GARS1: variants seen among roughly 807,000 people sequenced by gnomAD.
GARS1 encodes the protein glycine--tRNA ligase.
Under a neutral mutation model 86.4 loss-of-function variants are expected in GARS1, and 46 were observed. The observed-to-expected ratio is 0.53, with a 90% confidence interval of 0.42 to 0.68. The LOEUF is 0.68. Ranked by LOEUF, GARS1 falls within the 30% of genes least tolerant of loss-of-function variation. GARS1 has a pLI of 0.00. For missense variants in GARS1, 797 were observed against 915.6 expected (o/e 0.87, Z 1.67); for synonymous variants, 342 against 329.8 (o/e 1.04, Z -0.40).
chr7:30,604,791 T>C (rs1454013194), intron 6 of GARS1, among the ~76,000 whole-genome samples: 3 of 152,230 alleles, frequency 2.0e-5, no homozygotes, highest in Admixed American at 2.0e-4. Flanking sequence ...GCATGCCCTT[T>C]ATTAGAAAAA....
At chr7:30,615,098 T>C (rs1282212388) in intron 8 of GARS1, among the ~76,000 whole-genome samples, 1 of 152,176 alleles carries the variant, frequency 6.6e-6, no homozygotes, top group African/African-American at 2.4e-5. Context: ...GAAATCTCTT[T>C]GGGAAACCAT....
At chr7:30,631,252 G>T in intron 14 of GARS1, 196 bp from the exon 15 acceptor site, 1 of 483,670 alleles carries the variant, frequency 2.1e-6, no homozygotes. Context: ...TAAATTCGGA[G>T]CTGAAACCAG....
At chr7:30,609,538 C>T (rs776576771) in intron 6 of GARS1, 47 bp from the exon 7 acceptor site, 1 of 1,509,720 alleles carries the variant, frequency 6.6e-7, no homozygotes, top group African/African-American at 1.4e-5. Context: ...ATATCTTATG[C>T]CTTGTTTTCT....
chr7:30,598,997 T>G (rs906693407), intron 2 of GARS1, 100 bp downstream of exon 2: 1 of 905,606 alleles, frequency 1.1e-6, no homozygotes, highest in Non-Finnish European at 1.8e-6. Context: ...TCTGAACAAG[T>G]ATCATTTGGT....
intron 14 of GARS1, among the ~76,000 whole-genome samples, chr7:30,630,031 G>T (rs1386473364): frequency 1.3e-5 from 2 of 152,202 alleles, no homozygotes; most frequent in Admixed American, 1.3e-4. Flanking sequence ...TGAATTGCAT[G>T]AATTCCCATC....
rs778383373 is a variant in GARS1, at chr7:30,594,914, G to T, written c.-8G>T. On this transcript the variant is annotated 5_prime_UTR_variant, in exon 1 of 17. Coordinates refer to ENST00000389266, the MANE Select transcript of GARS1 (RefSeq NM_002047.4). ...CACCCTCTCTGGACAGCCCAGGGCC[G>T]CAGGCTCATGCCCTCTCCGCGTCCA... The T allele has an allele frequency of 6.4e-7, 1 of 1,564,728 alleles. No homozygotes were observed. The highest frequency in any genetic ancestry group is 2.3e-5 in the East Asian group (1 of 43,096).
At chr7:30,625,982 CACTTGTGGAGTTTTATAAA>C (rs1464176464) in intron 12 of GARS1, among the ~76,000 whole-genome samples, 1 of 152,176 alleles carries the variant, frequency 6.6e-6, no homozygotes, top group Non-Finnish European at 1.5e-5. Flanking sequence ...GTCATTAAGT[CACTTGTGGAGTTTTATAAA>C]ACTAGTCAAA....
intron 14 of GARS1, among the ~76,000 whole-genome samples, chr7:30,630,660 C>T (rs1205856334): frequency 6.6e-6 from 1 of 151,912 alleles, no homozygotes; most frequent in Non-Finnish European, 1.5e-5. Context: ...ACAGGTGCGC[C>T]TCACAATGCC....
At chr7:30,594,804 G>A, upstream of GARS1, 1 of 859,016 alleles carries the variant, frequency 1.2e-6, no homozygotes, top group Non-Finnish European at 1.8e-6. Flanking sequence ...ACGCGGTGGT[G>A]AATGTGCGGC....
intron 11 of GARS1, among the ~76,000 whole-genome samples, chr7:30,621,897 T>A (rs1783015860): frequency 6.6e-6 from 1 of 152,206 alleles, no homozygotes; most frequent in Non-Finnish European, 1.5e-5. Flanking sequence ...AAATAATAAT[T>A]TAGCTCACTT....
In GARS1 at chr7:30,617,262, A is replaced by T; in HGVS notation, c.1343A>T (p.Glu448Val). 6.2e-7 allele frequency: 1 copy of T among 1,614,006 alleles called. No individual in the cohort carries two copies. The highest frequency in any genetic ancestry group is 8.5e-7 in the Non-Finnish European group (1 of 1,179,874). Residue 448 changes from glutamate to valine, a missense_variant, in exon 10 of 17, where the codon GAA becomes GTA. Around this residue, in one of 2 missense-constraint regions of GARS1, gnomAD observed 598 missense variants for 738.7 expected, o/e 0.81. Coordinates refer to ENST00000389266, the MANE Select transcript of GARS1 (RefSeq NM_002047.4). ...TATGCCTGTGACTGTTGGGATGCAGAATCCAAAACATCCTACGTAAGTGGA... is the reference window on the plus strand; with the variant it reads ...TATGCCTGTGACTGTTGGGATGCAGTATCCAAAACATCCTACGTAAGTGGA... ...AHYACDCWDAESKTSYGWIEI... is the reference protein window; with the variant it reads ...AHYACDCWDAVSKTSYGWIEI...
At chr7:30,626,980 CAAA>C (rs1192203935) in intron 13 of GARS1, 1,573 of 309,656 alleles carry the variant, frequency 5.1e-3, no homozygotes, top group East Asian at 6.3e-3. Context: ...GACTCCGTCT[CAAA>C]AAAAAAAAAA....
chr7:30,621,832 G>A (rs1447091726), intron 11 of GARS1, among the ~76,000 whole-genome samples: 1 of 152,156 alleles, frequency 6.6e-6, no homozygotes, highest in Non-Finnish European at 1.5e-5. Context: ...TTAAATAAAG[G>A]GTACCTGGTG....
intron 4 of GARS1, among the ~76,000 whole-genome samples, chr7:30,602,785 TTG>T (rs1426693612): frequency 1.3e-5 from 2 of 152,354 alleles, no homozygotes; most frequent in East Asian, 1.9e-4. Context: ...TAGAAAAGAA[TTG>T]TCTTTTTATT....
intron 12 of GARS1, 121 bp downstream of exon 12, chr7:30,622,583 A>G: frequency 8.7e-7 from 1 of 1,154,644 alleles, no homozygotes; most frequent in Non-Finnish European, 1.3e-6. Context: ...TCTTGGCTGC[A>G]TTTAAAAGAC....
chr7:30,604,005 A>G (rs188564573), intron 6 of GARS1, among the ~76,000 whole-genome samples: 34 of 152,272 alleles, frequency 2.2e-4, no homozygotes, highest in Admixed American at 3.3e-4. Context: ...GCAGGTCCTG[A>G]CTTTTCTGTC....
chr7:30,617,132 G>A lies in GARS1; in HGVS notation c.1213G>A (p.Val405Ile). The A allele has an allele frequency of 6.2e-7, 1 of 1,614,130 alleles. No homozygotes were observed. Among genetic ancestry groups the A allele is most frequent in the South Asian group, 1.1e-5 (1 of 91,078 alleles). The part of the protein sequence containing the change: ...AVEQGVINNT[V>I]LGYFIGRIYL... ...GGTTTAGGGTGTGATTAATAACACA[G>A]TATTAGGCTATTTCATTGGCCGCAT... is the stretch of plus-strand genomic sequence containing the variant. The change falls in exon 10 of 17, where the codon GTA (valine) becomes ATA (isoleucine). Residue 405 changes from valine to isoleucine, a missense_variant. Val to Ile is a conservative substitution (Grantham distance 29, BLOSUM62 3). This residue lies in a region of GARS1 where 598 missense variants were observed against 738.7 expected (regional missense o/e 0.81). Transcript: ENST00000389266.
At chr7:30,595,680 T>G (rs953102379) in intron 1 of GARS1, 3 of 449,892 alleles carry the variant, frequency 6.7e-6, no homozygotes, top group Non-Finnish European at 1.4e-5. Context: ...CTTAACATCT[T>G]CCTTCATTCA....
At chr7:30,605,007 G>A (rs990189722) in intron 6 of GARS1, among the ~76,000 whole-genome samples, 4 of 152,188 alleles carry the variant, frequency 2.6e-5, no homozygotes, top group Non-Finnish European at 5.9e-5. Context: ...TTCTAGGAGA[G>A]CAATTTGTTT....
Sources: allele counts gnomAD v4.1 joint callset (sites outside exome capture counted in the v4.1 genomes callset), GRCh38; gene constraint gnomAD v4.1.1; regional missense constraint gnomAD v4.1.1; transcripts MANE v1.5; gene names NCBI Gene and HGNC (gene_info 2026-07-23, HGNC 2026-07-21).